PHACTR1: variants seen among roughly 807,000 people sequenced by gnomAD.
PHACTR1 encodes phosphatase and actin regulator 1.
PHACTR1 carries 16 observed loss-of-function variants against 69.2 expected under a neutral mutation model. That is an observed-to-expected ratio of 0.23 (90% confidence interval 0.16 to 0.35). The LOEUF (loss-of-function observed/expected upper bound fraction) is 0.35. Ranked by LOEUF, PHACTR1 falls within the 10% of genes least tolerant of loss-of-function variation. The pLI is 1.00. For synonymous variants in PHACTR1, 312 were observed against 284.5 expected, an observed-to-expected ratio of 1.10 and a Z score of -0.97; for missense variants, 510 against 734.7, an observed-to-expected ratio of 0.69 and a Z score of 3.54.
At chr6:12,936,379 T>C (rs80028732) in intron 4 of PHACTR1, among the ~76,000 whole-genome samples, 2,620 of 152,252 alleles carry the variant, frequency 0.017, 79 homozygotes, top group African/African-American at 0.06. Context: ...TAGAATGTAA[T>C]TGCAACAATA....
chr6:13,270,035 C>T (rs921662620), intron 10 of PHACTR1, among the ~76,000 whole-genome samples: 1 of 152,168 alleles, frequency 6.6e-6, no homozygotes, highest in African/African-American at 2.4e-5. Context: ...AGGACTCAGT[C>T]CCACAGAACT....
chr6:12,916,540 G>GTTT (rs10586172), intron 4 of PHACTR1, among the ~76,000 whole-genome samples: 2 of 133,484 alleles, frequency 1.5e-5, no homozygotes, highest in Non-Finnish European at 1.6e-5. Flanking sequence ...GGCATGGACT[G>GTTT]TTTTTTTTTT....
intron 4 of PHACTR1, among the ~76,000 whole-genome samples, chr6:12,834,964 C>A (rs969541382): frequency 6.6e-6 from 1 of 152,102 alleles, no homozygotes; most frequent in African/African-American, 2.4e-5. Context: ...GCTTGAAAGG[C>A]AAAATGATTT....
intron 4 of PHACTR1, among the ~76,000 whole-genome samples, chr6:13,015,539 T>C (rs1172340679): frequency 6.6e-6 from 1 of 152,222 alleles, no homozygotes; most frequent in Admixed American, 6.5e-5. Context: ...GAGCTTGAGA[T>C]GCAGGCTAAA....
intron 5 of PHACTR1, among the ~76,000 whole-genome samples, chr6:13,085,193 G>A (rs1048680208): frequency 3.3e-5 from 5 of 151,514 alleles, no homozygotes; most frequent in Middle Eastern, 4.0e-3. Flanking sequence ...ATTTAAATTT[G>A]GAAATCCCGT....
At chr6:13,157,981 A>G (rs539030939) in intron 5 of PHACTR1, among the ~76,000 whole-genome samples, 51 of 152,196 alleles carry the variant, frequency 3.4e-4, no homozygotes, top group African/African-American at 1.1e-3. Context: ...TCCCGGGTTC[A>G]AGCAATCCTC....
chr6:12,818,534 T>C (rs1775847739), intron 4 of PHACTR1, among the ~76,000 whole-genome samples: 1 of 152,200 alleles, frequency 6.6e-6, no homozygotes, highest in African/African-American at 2.4e-5. Context: ...GAGTGGGAAG[T>C]AGATTTCACG....
chr6:13,087,802 C>T (rs1436425785), intron 5 of PHACTR1, among the ~76,000 whole-genome samples: 10 of 151,808 alleles, frequency 6.6e-5, no homozygotes, highest in African/African-American at 1.7e-4. Context: ...CATGCCACCA[C>T]GCCTGGCTAA....
chr6:13,271,172 C>G (rs919892835), intron 10 of PHACTR1, among the ~76,000 whole-genome samples: 2 of 152,124 alleles, frequency 1.3e-5, no homozygotes, highest in East Asian at 3.9e-4. Flanking sequence ...CCATGCCCGG[C>G]TAATTTTTGT....
chr6:12,719,852 G>C (rs193035709), intron 3 of PHACTR1, among the ~76,000 whole-genome samples: 17 of 152,290 alleles, frequency 1.1e-4, no homozygotes, highest in South Asian at 1.0e-3. Flanking sequence ...CAGGGGGCTT[G>C]CAAGCCATCT....
chr6:12,862,943 G>A (rs1325414676), intron 4 of PHACTR1, among the ~76,000 whole-genome samples: 4 of 152,304 alleles, frequency 2.6e-5, no homozygotes, highest in South Asian at 4.1e-4. Context: ...GAAGACATGG[G>A]TTCCACCCCA....
chr6:13,222,207 G>T (rs114192876), intron 8 of PHACTR1, among the ~76,000 whole-genome samples: 61 of 152,324 alleles, frequency 4.0e-4, no homozygotes, highest in African/African-American at 1.4e-3. Flanking sequence ...TAATGCCAAA[G>T]AATGTTGATG....
chr6:13,022,745 C>T (rs148726964), intron 4 of PHACTR1, among the ~76,000 whole-genome samples: 7 of 151,966 alleles, frequency 4.6e-5, no homozygotes, highest in South Asian at 2.1e-4. Context: ...TGTCTGGGTG[C>T]GGTGGCTCAC....
rs1013111997 is a variant in PHACTR1 at position 13,206,869 on chromosome 6, C to T, written c.986+733C>T. ...GGAAACCTGAGTACACGGAGAAAAC[C>T]CATGCAGTCGTGGGGAGAACGTGCA... On this transcript the variant is annotated intron_variant, in intron 8 of 14. Coordinates refer to ENST00000332995, the MANE Select transcript of PHACTR1 (RefSeq NM_030948.6). Among the ~76,000 whole-genome samples the T allele has an allele frequency of 1.4e-4, 21 of 152,178 alleles. 1 individual carries two copies. The highest frequency in any genetic ancestry group is 3.3e-4 in the Admixed American group (5 of 15,280).
intron 10 of PHACTR1, chr6:13,272,659 T>A: frequency 6.8e-7 from 1 of 1,468,244 alleles, no homozygotes; most frequent in South Asian, 1.4e-5. Flanking sequence ...TCAGCGGCTG[T>A]GACATGACGC....
intron 4 of PHACTR1, among the ~76,000 whole-genome samples, chr6:12,845,422 A>ACCCCCCCCC (rs879435671): frequency 2.3e-4 from 3 of 12,826 alleles, no homozygotes; most frequent in Non-Finnish European, 4.4e-4. Flanking sequence ...CATTGTGAAC[A>ACCCCCCCCC]CCACCCACCC....
At chr6:12,981,680 T>C (rs1282432436) in intron 4 of PHACTR1, among the ~76,000 whole-genome samples, 1 of 152,324 alleles carries the variant, frequency 6.6e-6, no homozygotes, top group Non-Finnish European at 1.5e-5. Flanking sequence ...CCATCCTCGA[T>C]TGGACATGAC....
chr6:12,926,822 C>A (rs915811520), intron 4 of PHACTR1, among the ~76,000 whole-genome samples: 1 of 152,226 alleles, frequency 6.6e-6, no homozygotes, highest in African/African-American at 2.4e-5. Flanking sequence ...ACAGTACTTA[C>A]AGACAAAAGA....
chr6:12,908,464 G>A (rs368684642), intron 4 of PHACTR1, among the ~76,000 whole-genome samples: 1 of 151,920 alleles, frequency 6.6e-6, no homozygotes. Context: ...CAGTGCATAC[G>A]TGGAAAGAAT....
Sources: allele counts gnomAD v4.1 joint callset (sites outside exome capture counted in the v4.1 genomes callset), GRCh38; gene constraint gnomAD v4.1.1; transcripts MANE v1.5; gene names NCBI Gene and HGNC (gene_info 2026-07-23, HGNC 2026-07-21).